Variants in CCDC148 observed in about 807,000 individuals in gnomAD.
The protein encoded by CCDC148 is coiled-coil domain containing 148.
In CCDC148, 89 loss-of-function variants were observed where a neutral mutation model predicts 85.7. That is an observed-to-expected ratio of 1.04 (90% CI 0.87 to 1.24). The LOEUF (loss-of-function observed/expected upper bound fraction) is 1.24, where lower values mean the gene tolerates loss of function less well. Ranked by LOEUF, CCDC148 falls within the 50% of genes most tolerant of loss-of-function variation. The pLI is 0.00. For synonymous variants in CCDC148, 230 were observed against 213.9 expected (o/e 1.08, Z -0.66); for missense variants, 692 against 671.7 (o/e 1.03, Z -0.33).
At chr2:158,340,894 C>A (rs1374975715) in intron 3 of CCDC148, among the ~76,000 whole-genome samples, 1 of 152,174 alleles carries the variant, frequency 6.6e-6, no homozygotes, top group African/African-American at 2.4e-5. Flanking sequence ...GGCCAGCCCA[C>A]AGCAGGTCCT....
chr2:158,228,578 A>G (rs1687679633), intron 10 of CCDC148, among the ~76,000 whole-genome samples: 1 of 152,186 alleles, frequency 6.6e-6, no homozygotes, highest in Admixed American at 6.5e-5. Context: ...ACAATGATAG[A>G]CTGGATTAAG....
At chr2:158,204,479 G>A (rs1239917260) in intron 11 of CCDC148, among the ~76,000 whole-genome samples, 2 of 152,100 alleles carry the variant, frequency 1.3e-5, no homozygotes, top group African/African-American at 4.8e-5. Context: ...GAGCTCAGAG[G>A]CATTATATAG....
At chr2:158,268,710 T>C (rs958131072) in intron 9 of CCDC148, among the ~76,000 whole-genome samples, 7 of 152,170 alleles carry the variant, frequency 4.6e-5, no homozygotes, top group Non-Finnish European at 7.4e-5. Context: ...TGAAAGTATG[T>C]ACCCTTTGAC....
chr2:158,207,423 T>G (rs1424311652), intron 11 of CCDC148: 1 of 152,224 alleles, frequency 6.6e-6, no homozygotes, highest in Non-Finnish European at 1.5e-5. Context: ...CAAGTGGGAA[T>G]GGTGCTTTTC....
intron 9 of CCDC148, among the ~76,000 whole-genome samples, chr2:158,268,222 T>G (rs766757960): frequency 3.6e-4 from 55 of 152,300 alleles, no homozygotes; most frequent in Non-Finnish European, 6.6e-4. Context: ...AGGGTTCCAG[T>G]TGTGCTTCTT....
chr2:158,285,693 G>T (rs1435294013), intron 9 of CCDC148, among the ~76,000 whole-genome samples: 1 of 151,332 alleles, frequency 6.6e-6, no homozygotes, highest in Non-Finnish European at 1.5e-5. Context: ...ACCACGCCCG[G>T]CTAATTTTTT....
chr2:158,410,204 A>G (rs1266484371), intron 1 of CCDC148, among the ~76,000 whole-genome samples: 1 of 152,162 alleles, frequency 6.6e-6, no homozygotes, highest in Non-Finnish European at 1.5e-5. Flanking sequence ...TTTGCATGGA[A>G]TATTTTTTTC....
At chr2:158,450,526 G>C (rs1433386010) in intron 1 of CCDC148, among the ~76,000 whole-genome samples, 1 of 152,114 alleles carries the variant, frequency 6.6e-6, no homozygotes, top group Non-Finnish European at 1.5e-5. Context: ...TTCCAACATA[G>C]GTCCACTTAC....
chr2:158,258,483 G>A (rs1253466388), intron 9 of CCDC148, among the ~76,000 whole-genome samples: 1 of 151,780 alleles, frequency 6.6e-6, no homozygotes, highest in Non-Finnish European at 1.5e-5. Context: ...GGTGTCCCTG[G>A]GCACACTGTT....
chr2:158,239,293 T>G (rs912794413), intron 10 of CCDC148, among the ~76,000 whole-genome samples: 3 of 151,892 alleles, frequency 2.0e-5, no homozygotes, highest in Non-Finnish European at 4.4e-5. Context: ...AGGCTTTCTC[T>G]CTCTCTCTCT....
chr2:158,369,197 T>C (rs1299962635), intron 1 of CCDC148, among the ~76,000 whole-genome samples: 1 of 152,096 alleles, frequency 6.6e-6, no homozygotes, highest in Non-Finnish European at 1.5e-5. Flanking sequence ...GTTTTTTTTC[T>C]AATTCTGTGA....
At position 158,390,026 on chromosome 2, in the gene CCDC148, G is replaced by C. The variant is rs74524745; in HGVS notation, c.26-31456C>G. The stretch of plus-strand genomic sequence containing the variant: ...AGCACTTGTATCAGAGAAAATTCTA[G>C]TCTAATGACTGAAGGTGTCCCACTT... On this transcript the variant is annotated intron_variant, in intron 1 of 13. Transcript: ENST00000283233. Among the ~76,000 whole-genome samples the C allele has an allele frequency of 7.4e-3, 1,130 of 152,208 alleles. 19 individuals carry two copies. The highest frequency in any genetic ancestry group is 0.026 in the African/African-American group (1,079 of 41,540).
At chr2:158,332,185 C>G (rs1693169116) in intron 7 of CCDC148, among the ~76,000 whole-genome samples, 1 of 152,022 alleles carries the variant, frequency 6.6e-6, no homozygotes, top group South Asian at 2.1e-4. Flanking sequence ...TTCAGGAGCT[C>G]TTTTAGGGCA....
chr2:158,309,353 T>C, intron 9 of CCDC148, 80 bp downstream of exon 9: 1 of 1,198,322 alleles, frequency 8.3e-7, no homozygotes, highest in East Asian at 2.4e-5. Flanking sequence ...AAACTGAACT[T>C]TAGGTTGAGT....
intron 11 of CCDC148, among the ~76,000 whole-genome samples, chr2:158,191,292 T>C (rs1445240099): frequency 1.3e-5 from 2 of 152,040 alleles, no homozygotes; most frequent in Non-Finnish European, 2.9e-5. Flanking sequence ...CCCAGATCTC[T>C]CAGAACTTCT....
chr2:158,413,858 T>G (rs369261276), intron 1 of CCDC148, among the ~76,000 whole-genome samples: 40 of 152,334 alleles, frequency 2.6e-4, no homozygotes, highest in African/African-American at 9.4e-4. Flanking sequence ...TCGTGAGTGC[T>G]TATTTAATCT....
chr2:158,184,053 G>C (rs1460057584), intron 11 of CCDC148, among the ~76,000 whole-genome samples: 3 of 152,130 alleles, frequency 2.0e-5, no homozygotes, highest in African/African-American at 7.2e-5. Flanking sequence ...CATTCACATT[G>C]AAAGGCATCA....
At position 158,265,181 on chromosome 2, in the gene CCDC148, G is replaced by A. The variant is rs1355352041; in HGVS notation, c.1111-14269C>T. On this transcript the variant is annotated intron_variant, in intron 9 of 13. Coordinates refer to ENST00000283233, the MANE Select transcript of CCDC148 (RefSeq NM_138803.4). ...GCATGATGGTGTGAATCTAATTGCC[G>A]CTTATGCTAGGAGGTTCAGAAATTT... 2.0e-5 allele frequency among the ~76,000 whole-genome samples: 3 copies of A among 151,990 alleles called. No individual in the cohort carries two copies. In the East Asian group the frequency reaches 5.8e-4, roughly 29 times the overall value.
chr2:158,233,650 C>A (rs565159995), intron 10 of CCDC148, among the ~76,000 whole-genome samples: 1 of 151,956 alleles, frequency 6.6e-6, no homozygotes, highest in South Asian at 2.1e-4. Flanking sequence ...AAACAGTGAG[C>A]CAGTTCATTT....
Sources: gnomAD v4.1 joint callset for allele counts (sites outside exome capture counted in the v4.1 genomes callset) on GRCh38, gnomAD v4.1.1 for gene constraint, MANE v1.5 for transcripts, NCBI Gene and HGNC (gene_info 2026-07-23, HGNC 2026-07-21) for gene names.